Variants in FZD3 observed in about 807,000 individuals in gnomAD.
The protein encoded by FZD3 is frizzled-3.
FZD3 carries 30 observed loss-of-function variants against 60.7 expected under a neutral mutation model. The observed-to-expected ratio is 0.49, with a 90% CI of 0.37 to 0.67. FZD3 has a LOEUF of 0.67. Ranked by LOEUF, FZD3 falls within the 30% of genes least tolerant of loss-of-function variation. FZD3 has a pLI of 0.00. For synonymous variants in FZD3, 246 were observed against 275.2 expected, an observed-to-expected ratio of 0.89 and a Z score of 1.05; for missense variants, 605 against 838.7, an observed-to-expected ratio of 0.72 and a Z score of 3.44.
intron 1 of FZD3, among the ~76,000 whole-genome samples, chr8:28,497,884 G>A (rs572527208): frequency 1.5e-4 from 23 of 152,178 alleles, no homozygotes; most frequent in African/African-American, 5.5e-4. Flanking sequence ...CAGGCAGCCC[G>A]GGAAGACAGT....
At chr8:28,537,842 C>T (rs746943874) in intron 5 of FZD3, among the ~76,000 whole-genome samples, 1 of 152,100 alleles carries the variant, frequency 6.6e-6, no homozygotes, top group African/African-American at 2.4e-5. Flanking sequence ...ATAGGCCAGG[C>T]GTGGTGGCTC....
rs539305658 is a variant in FZD3 at position 28,563,797 on chromosome 8, A to G, written c.*786A>G. ...ATTTGTAGCCATCTTTTCCCATGTA[A>G]TAGTATTGATTCATAGAGAACTTAA... On this transcript the variant is annotated 3_prime_UTR_variant, in exon 8 of 8. Transcript: ENST00000240093. The G allele has an allele frequency of 1.3e-5, 2 of 152,752 alleles. No individual in the cohort carries two copies. The highest frequency in any genetic ancestry group is 4.8e-5 in the African/African-American group (2 of 41,560). 9.5% of individuals were successfully genotyped at this position (152,752 alleles called of 1,614,324 possible). A position where few individuals can be genotyped will look rare whatever the true frequency, so the allele number is the denominator to read the frequency against.
At chr8:28,510,119 T>TTTTTGC (rs1223917548) in intron 3 of FZD3, among the ~76,000 whole-genome samples, 7 of 147,200 alleles carry the variant, frequency 4.8e-5, no homozygotes, top group African/African-American at 1.5e-4. Flanking sequence ...TTTGTTTTTG[T>TTTTTGC]TTTTTTGTTT....
At chr8:28,554,042 G>T (rs1402472234) in intron 6 of FZD3, among the ~76,000 whole-genome samples, 3 of 152,202 alleles carry the variant, frequency 2.0e-5, no homozygotes, top group Non-Finnish European at 4.4e-5. Context: ...TAACTACTTT[G>T]TTACACTGTG....
Position 28,527,209 on chromosome 8 carries a change from C to A in FZD3, c.449C>A (p.Thr150Asn). The change falls in exon 5 of 8, where the codon ACT becomes AAT. Residue 150 changes from threonine to asparagine, a missense_variant. Physicochemically the swap from Thr to Asn is moderately conservative, Grantham distance 65 (BLOSUM62 0). Transcript: ENST00000240093. The surrounding 1 kb of genome is among the most constrained non-coding windows in gnomAD (Gnocchi z 5.0). ...LVDLNLAGEPTEGAPVAVQRD... is the reference protein window; with the variant it reads ...LVDLNLAGEPNEGAPVAVQRD... ...GATCTGAATTTAGCTGGAGAACCAACTGAAGGAGCCCCAGTGGCAGTGCAG... is the reference window on the plus strand; with the variant it reads ...GATCTGAATTTAGCTGGAGAACCAAATGAAGGAGCCCCAGTGGCAGTGCAG... 1 of 1,613,832 alleles carries A rather than the reference C, an allele frequency of 6.2e-7. No homozygotes were observed.
At chr8:28,526,064 A>G (rs1249377066) in intron 4 of FZD3, among the ~76,000 whole-genome samples, 1 of 150,074 alleles carries the variant, frequency 6.7e-6, no homozygotes. Flanking sequence ...TGAGGTGCCT[A>G]TTAGATACCT....
At chr8:28,508,470 A>G (rs945068555) in intron 3 of FZD3, among the ~76,000 whole-genome samples, 1 of 139,936 alleles carries the variant, frequency 7.1e-6, no homozygotes, top group Non-Finnish European at 1.5e-5. Context: ...TCATGAGTTT[A>G]TACTGATACT....
At chr8:28,551,920 A>G (rs893675124) in intron 6 of FZD3, among the ~76,000 whole-genome samples, 169 bp downstream of exon 6, 4 of 152,228 alleles carry the variant, frequency 2.6e-5, no homozygotes, top group African/African-American at 9.6e-5. Context: ...ATTTAAAACT[A>G]AAAACTTATT....
At chr8:28,515,856 C>G (rs1205127879) in intron 3 of FZD3, among the ~76,000 whole-genome samples, 1 of 152,310 alleles carries the variant, frequency 6.6e-6, no homozygotes, top group East Asian at 1.9e-4. Flanking sequence ...TGTTGGTTGT[C>G]CGTTCACTGT....
intron 5 of FZD3, among the ~76,000 whole-genome samples, chr8:28,549,552 A>G (rs544836436): frequency 1.3e-5 from 2 of 152,182 alleles, no homozygotes; most frequent in South Asian, 4.2e-4. Context: ...AGTTTTTATA[A>G]GCTTTATTTC....
rs76793458 is a variant in FZD3 at position 28,510,296 on chromosome 8, G to A, written c.189+7094G>A. ...CTTTTACTGTTACAATGTTGCAAGT[G>A]TGTTTTCACATTTTGACTAGTGTAT... On this transcript the variant is annotated intron_variant, in intron 3 of 7. Coordinates refer to ENST00000240093, the MANE Select transcript of FZD3 (RefSeq NM_017412.4). Among the ~76,000 whole-genome samples, 1,302 of 152,250 alleles carry A rather than the reference G, an allele frequency of 8.6e-3. 21 individuals are homozygous for A. The highest frequency in any genetic ancestry group is 0.03 in the African/African-American group (1,230 of 41,544).
chr8:28,497,531 C>G (rs1359698137), intron 1 of FZD3, among the ~76,000 whole-genome samples: 1 of 152,148 alleles, frequency 6.6e-6, no homozygotes, highest in Non-Finnish European at 1.5e-5. Flanking sequence ...TGAAAAAAGA[C>G]AAAGAATATC....
intron 5 of FZD3, among the ~76,000 whole-genome samples, chr8:28,550,481 CTTTTTTTTTTTTT>C (rs386412443): frequency 8.7e-5 from 3 of 34,338 alleles, no homozygotes; most frequent in African/African-American, 1.3e-4. Context: ...CTTCTTTTAT[CTTTTTTTTTTTTT>C]TTTTTTTTTT....
At chr8:28,552,377 C>G (rs1805429165) in intron 6 of FZD3, among the ~76,000 whole-genome samples, 2 of 152,168 alleles carry the variant, frequency 1.3e-5, no homozygotes. Context: ...CTGCATATTA[C>G]AGTGTGATAT....
chr8:28,511,964 G>A (rs569520717), intron 3 of FZD3, among the ~76,000 whole-genome samples: 4 of 152,102 alleles, frequency 2.6e-5, no homozygotes, highest in Non-Finnish European at 4.4e-5. Flanking sequence ...ATCCCTTAGA[G>A]GTGGCAGTAG....
intron 3 of FZD3, among the ~76,000 whole-genome samples, chr8:28,519,572 A>C (rs1273643951): frequency 6.6e-6 from 1 of 151,982 alleles, no homozygotes; most frequent in African/African-American, 2.4e-5. Flanking sequence ...TTTACAAAAA[A>C]TACAAAAATT....
intron 3 of FZD3, among the ~76,000 whole-genome samples, chr8:28,520,220 AC>A (rs1195142685): frequency 6.0e-4 from 82 of 137,210 alleles, no homozygotes; most frequent in African/African-American, 2.3e-3. Flanking sequence ...AAAAAAAACA[AC>A]AAAAAAAAAA....
intron 1 of FZD3, among the ~76,000 whole-genome samples, chr8:28,498,140 A>C (rs1303799597): frequency 6.6e-6 from 1 of 152,190 alleles, no homozygotes; most frequent in Non-Finnish European, 1.5e-5. Flanking sequence ...CTTTCCAGAT[A>C]TTCTGTATTG....
intron 6 of FZD3, among the ~76,000 whole-genome samples, chr8:28,553,168 C>T (rs1011742559): frequency 1.2e-4 from 19 of 152,160 alleles, no homozygotes; most frequent in Non-Finnish European, 1.2e-4. Flanking sequence ...TAATGCATTT[C>T]TCCTTTAAAT....
Sources: gnomAD v4.1 joint callset for allele counts (sites outside exome capture counted in the v4.1 genomes callset) on GRCh38, gnomAD v4.1.1 for gene constraint, Gnocchi (gnomAD v3.1) non-coding constraint, MANE v1.5 for transcripts, NCBI Gene and HGNC (gene_info 2026-07-23, HGNC 2026-07-21) for gene names.